The following TRPM3 variants were observed in gnomAD, a reference collection of about 807,000 sequenced individuals.
TRPM3 encodes long transient receptor potential channel 3.
TRPM3 carries 77 observed loss-of-function variants against 181.2 expected under a neutral mutation model. That is an observed-to-expected ratio of 0.42 (90% CI 0.35 to 0.51). The LOEUF (loss-of-function observed/expected upper bound fraction) is 0.51, where lower values mean the gene tolerates loss of function less well. TRPM3 is among the 20% of genes least tolerant of loss of function. The pLI, the probability that TRPM3 is intolerant of heterozygous loss-of-function variation, is 0.01. For synonymous variants in TRPM3, 745 were observed against 796.4 expected (o/e 0.94, Z 1.09); for missense variants, 1,759 against 2,196.7 (o/e 0.80, Z 3.98).
At chr9:70,817,221 C>A (rs962595062) in intron 6 of TRPM3, among the ~76,000 whole-genome samples, 1 of 152,156 alleles carries the variant, frequency 6.6e-6, no homozygotes, top group Non-Finnish European at 1.5e-5. Context: ...TGACAAAATA[C>A]TGACACATAA....
At chr9:71,395,496 T>C (rs2093168885) in intron 1 of TRPM3, among the ~76,000 whole-genome samples, 1 of 152,180 alleles carries the variant, frequency 6.6e-6, no homozygotes, top group South Asian at 2.1e-4. Flanking sequence ...TGAGAAGCAA[T>C]GACACGTGGA....
chr9:71,410,843 G>A (rs62545045), intron 1 of TRPM3, among the ~76,000 whole-genome samples: 27,307 of 152,094 alleles, frequency 0.18, 3,188 homozygotes, highest in Middle Eastern at 0.27. Context: ...GAACATTGAC[G>A]CAAAAATCCT....
chr9:70,817,867 T>G (rs2092837162), intron 6 of TRPM3, among the ~76,000 whole-genome samples: 1 of 152,054 alleles, frequency 6.6e-6, no homozygotes, highest in African/African-American at 2.4e-5. Flanking sequence ...TATTGTTTAT[T>G]CATATATATA....
chr9:70,910,627 A>G (rs1007922841), intron 1 of TRPM3, among the ~76,000 whole-genome samples: 1 of 152,200 alleles, frequency 6.6e-6, no homozygotes, highest in African/African-American at 2.4e-5. Flanking sequence ...TTATTGCATT[A>G]TCACTTTCTA....
intron 1 of TRPM3, among the ~76,000 whole-genome samples, chr9:70,887,610 T>C (rs886366122): frequency 6.6e-6 from 1 of 152,222 alleles, no homozygotes; most frequent in Non-Finnish European, 1.5e-5. Flanking sequence ...CAGGCAACCA[T>C]ATGTTTCTTA....
chr9:70,896,539 G>T (rs2096281272), intron 1 of TRPM3, among the ~76,000 whole-genome samples: 3 of 152,040 alleles, frequency 2.0e-5, no homozygotes, highest in Admixed American at 6.6e-5. Context: ...CAAGACAAAA[G>T]AATTCAAAAG....
At chr9:71,169,740 A>C (rs2076745972) in intron 1 of TRPM3, among the ~76,000 whole-genome samples, 1 of 152,006 alleles carries the variant, frequency 6.6e-6, no homozygotes, top group African/African-American at 2.4e-5. Context: ...GGATCACCTG[A>C]GGTAAGGAGT....
At chr9:70,963,786 G>T (rs1318882310) in intron 1 of TRPM3, among the ~76,000 whole-genome samples, 5 of 152,022 alleles carry the variant, frequency 3.3e-5, no homozygotes, top group African/African-American at 9.7e-5. Flanking sequence ...GAAAGTGGGT[G>T]AATAAACAAA....
chr9:70,849,566 T>C (rs954904565), intron 3 of TRPM3, among the ~76,000 whole-genome samples: 10 of 152,162 alleles, frequency 6.6e-5, no homozygotes, highest in African/African-American at 1.4e-4. Context: ...TCTTAAAAAG[T>C]ATTGGGTATA....
chr9:71,336,362 A>G (rs901312416), intron 1 of TRPM3, among the ~76,000 whole-genome samples: 1 of 152,154 alleles, frequency 6.6e-6, no homozygotes, highest in Non-Finnish European at 1.5e-5. Flanking sequence ...ATTGCTACAA[A>G]CAGAATAAAA....
At chr9:70,827,683 C>T (rs762616680) in intron 6 of TRPM3, 164 bp downstream of exon 6, 68 of 766,484 alleles carry the variant, frequency 8.9e-5, no homozygotes, top group Non-Finnish European at 1.2e-4. Flanking sequence ...AATTGTTCTC[C>T]TCTGGATGGC....
intron 1 of TRPM3, among the ~76,000 whole-genome samples, chr9:71,129,054 C>T (rs2074217931): frequency 6.6e-6 from 1 of 152,202 alleles, no homozygotes; most frequent in African/African-American, 2.4e-5. Flanking sequence ...AAAGCAGTAA[C>T]TCTGCTTGGT....
chr9:71,192,659 C>G (rs566930880), intron 1 of TRPM3, among the ~76,000 whole-genome samples: 1 of 151,916 alleles, frequency 6.6e-6, no homozygotes, highest in Admixed American at 6.6e-5. Context: ...ATATTAACCC[C>G]TTATCAGATA....
intron 1 of TRPM3, among the ~76,000 whole-genome samples, chr9:71,437,875 A>T (rs978784335): frequency 6.6e-6 from 1 of 151,862 alleles, no homozygotes; most frequent in Non-Finnish European, 1.5e-5. Context: ...AAAAAAAAAA[A>T]AAAAAGAAAA....
chr9:70,795,676 G>A (rs552858647), intron 6 of TRPM3, among the ~76,000 whole-genome samples: 3 of 152,268 alleles, frequency 2.0e-5, no homozygotes, highest in Non-Finnish European at 2.9e-5. Context: ...TAAGTCTTTC[G>A]AGTTCTGTGG....
chr9:70,925,978 A>G (rs1267510836), intron 1 of TRPM3, among the ~76,000 whole-genome samples: 1 of 130,890 alleles, frequency 7.6e-6, no homozygotes, highest in Non-Finnish European at 1.6e-5. Flanking sequence ...TGGAGAAGAA[A>G]AAGGTTGGCT....
intron 7 of TRPM3, among the ~76,000 whole-genome samples, chr9:70,773,455 G>A (rs759002103): frequency 4.6e-5 from 7 of 152,158 alleles, no homozygotes; most frequent in Non-Finnish European, 8.8e-5. Flanking sequence ...AAATTTTTGA[G>A]CATGCTGCTG....
At chr9:71,189,762 CTGTA>C (rs935443717) in intron 1 of TRPM3, among the ~76,000 whole-genome samples, 4 of 151,850 alleles carry the variant, frequency 2.6e-5, no homozygotes, top group African/African-American at 4.8e-5. Flanking sequence ...CCACAACACT[CTGTA>C]TATGTCTCAA....
intron 3 of TRPM3, among the ~76,000 whole-genome samples, chr9:70,850,871 T>C (rs911981181): frequency 3.9e-5 from 6 of 152,352 alleles, no homozygotes; most frequent in African/African-American, 4.8e-5. Flanking sequence ...TTATCAACTT[T>C]AACGTATCAC....
Sources: gnomAD v4.1 joint callset for allele counts (sites outside exome capture counted in the v4.1 genomes callset) on GRCh38, gnomAD v4.1.1 for gene constraint, MANE v1.5 for transcripts, NCBI Gene and HGNC (gene_info 2026-07-23, HGNC 2026-07-21) for gene names.